Variants in MTMR12 observed in about 807,000 individuals in gnomAD.
MTMR12 encodes the protein myotubularin related protein 12.
Under a neutral mutation model 96.7 loss-of-function variants are expected in MTMR12, and 33 were observed. The observed-to-expected ratio is 0.34, with a 90% CI of 0.26 to 0.46. MTMR12 has a LOEUF of 0.46. Among genes scored for constraint, MTMR12 ranks in the 20% least tolerant of loss-of-function variants. MTMR12 has a pLI of 1.00. For missense variants in MTMR12, 721 were observed against 896.1 expected (o/e 0.80, Z 2.49); for synonymous variants, 298 against 327.2 (o/e 0.91, Z 0.96).
chr5:32,228,524 T>TCA lies in MTMR12; in HGVS notation c.*1252_*1253dup, dbSNP rs1747820915. On this transcript the variant is annotated 3_prime_UTR_variant, in exon 16 of 16. Coordinates refer to ENST00000382142, the MANE Select transcript of MTMR12 (RefSeq NM_001040446.3). ...TTTCCTGCATTAAAAAAAATATATA[T>TCA]CATATATATGATATATATATCATAT... 1.1e-5 allele frequency: 1 copy of TCA among 93,402 alleles called. No homozygotes were observed. Among genetic ancestry groups the TCA allele is most frequent in the African/African-American group, 3.5e-5 (1 of 28,686 alleles). 5.8% of individuals were successfully genotyped at this position (93,402 alleles called of 1,614,324 possible).
chr5:32,245,288 G>A lies in MTMR12; in HGVS notation c.1022-1689C>T, dbSNP rs543630606. On this transcript the variant is annotated intron_variant, in intron 10 of 15. Coordinates refer to ENST00000382142, the MANE Select transcript of MTMR12 (RefSeq NM_001040446.3). ...TGACCTCTGGTGATCCGCCCACCTC[G>A]GCCTCCCAAAGTGCTGCAATTATAC... Among the ~76,000 whole-genome samples, 18 of 152,154 alleles carry A rather than the reference G, an allele frequency of 1.2e-4. No homozygotes were observed. In the South Asian group the frequency reaches 2.7e-3, roughly 23 times the overall value.
chr5:32,235,882 G>A (rs1344592953), intron 13 of MTMR12, among the ~76,000 whole-genome samples: 1 of 152,214 alleles, frequency 6.6e-6, no homozygotes, highest in African/African-American at 2.4e-5. Flanking sequence ...AGGGGGCTAA[G>A]AGAAGCTATG....
At chr5:32,301,324 T>C (rs1751133396) in intron 1 of MTMR12, among the ~76,000 whole-genome samples, 1 of 152,344 alleles carries the variant, frequency 6.6e-6, no homozygotes, top group Middle Eastern at 3.4e-3. Context: ...CCCTGGGATC[T>C]GAACCCCAGA....
chr5:32,247,283 T>C (rs79608528), intron 10 of MTMR12, among the ~76,000 whole-genome samples: 366 of 152,218 alleles, frequency 2.4e-3, no homozygotes, highest in African/African-American at 8.3e-3. Flanking sequence ...CTGGGAGTTT[T>C]AAGGTTGCAG....
At chr5:32,251,706 T>C (rs572919855) in intron 8 of MTMR12, among the ~76,000 whole-genome samples, 6 of 152,122 alleles carry the variant, frequency 3.9e-5, no homozygotes, top group Admixed American at 3.3e-4. Context: ...AAAACAGACA[T>C]AGCAGAATAG....
chr5:32,277,324 G>T (rs927843514), intron 1 of MTMR12, among the ~76,000 whole-genome samples: 4 of 152,136 alleles, frequency 2.6e-5, no homozygotes, highest in Non-Finnish European at 5.9e-5. Context: ...GGGTGAGGTG[G>T]GCACTCCTTA....
chr5:32,286,952 C>A (rs1750563023), intron 1 of MTMR12, among the ~76,000 whole-genome samples: 1 of 152,158 alleles, frequency 6.6e-6, no homozygotes, highest in African/African-American at 2.4e-5. Context: ...ACACAACACA[C>A]AGCACCTAAG....
At chr5:32,274,297 C>T (rs1260118337) in intron 2 of MTMR12, among the ~76,000 whole-genome samples, 175 bp from the exon 3 acceptor site, 1 of 152,110 alleles carries the variant, frequency 6.6e-6, no homozygotes, top group Admixed American at 6.5e-5. Flanking sequence ...AGAGAAGATG[C>T]GGCAGAGTGG....
At chr5:32,303,244 T>C (rs184151823) in intron 1 of MTMR12, among the ~76,000 whole-genome samples, 1 of 152,360 alleles carries the variant, frequency 6.6e-6, no homozygotes, top group East Asian at 1.9e-4. Flanking sequence ...TATTCCCATT[T>C]TCGAGGTAGA....
chr5:32,263,584 C>T (rs552631178), intron 6 of MTMR12, among the ~76,000 whole-genome samples: 1 of 152,022 alleles, frequency 6.6e-6, no homozygotes, highest in Non-Finnish European at 1.5e-5. Flanking sequence ...ACTACAGGAA[C>T]GCACCACCAC....
chr5:32,290,814 AG>A (rs1424782389), intron 1 of MTMR12, among the ~76,000 whole-genome samples: 2 of 152,296 alleles, frequency 1.3e-5, no homozygotes, highest in Non-Finnish European at 2.9e-5. Context: ...TTTTGGAGCA[AG>A]GCCCTGCCAT....
Position 32,235,006 on chromosome 5 carries a change from T to C in MTMR12, c.1468A>G (p.Ser490Gly), listed in dbSNP as rs1468721213. Residue 490 changes from serine (S) to glycine (G), a missense_variant, in exon 14 of 16, where the codon AGC becomes GGC. Transcript: ENST00000382142. ...TGAGGTGAATTGAAGAAGAAGGTGC[T>C]AAAAATAGGTATATACAGGCTATCT... ...LSDSLYIPIF[S>G]TFFFNSPHQK... 6.2e-7 allele frequency: 1 copy of C among 1,613,686 alleles called. No homozygotes were observed.
At chr5:32,252,670 A>C (rs185968967) in intron 8 of MTMR12, among the ~76,000 whole-genome samples, 58 of 152,354 alleles carry the variant, frequency 3.8e-4, no homozygotes, top group Middle Eastern at 3.4e-3. Context: ...TAAAACTGAG[A>C]AACTTTTAAA....
At chr5:32,263,347 ATT>A in intron 6 of MTMR12, 105 bp from the exon 7 acceptor site, 2 of 1,344,074 alleles carry the variant, frequency 1.5e-6, no homozygotes, top group Non-Finnish European at 2.0e-6. Flanking sequence ...CACTAAGCCC[ATT>A]TTTATCCAAG....
chr5:32,310,830 T>TG (rs1450834566), intron 1 of MTMR12, among the ~76,000 whole-genome samples: 1 of 152,126 alleles, frequency 6.6e-6, no homozygotes, highest in Non-Finnish European at 1.5e-5. Context: ...CTTGCAGTGA[T>TG]GGATACCCCA....
At chr5:32,284,317 C>CAAAAAAAAAAA (rs57597487) in intron 1 of MTMR12, among the ~76,000 whole-genome samples, 4 of 47,248 alleles carry the variant, frequency 8.5e-5, no homozygotes, top group African/African-American at 2.2e-4. Flanking sequence ...GACCCTGTCT[C>CAAAAAAAAAAA]AAAAAAAAAA....
Position 32,312,333 on chromosome 5 carries a change from G to A in MTMR12, c.81+425C>T, listed in dbSNP as rs1751629395. 6.6e-6 allele frequency among the ~76,000 whole-genome samples: 1 copy of A among 152,204 alleles called. No individual in the cohort carries two copies. Among genetic ancestry groups the A allele is most frequent in the African/African-American group, 2.4e-5 (1 of 41,444 alleles). ...CACTCAGACGCAGGCAGCGGAGGCC[G>A]GCGGGCTTCTGGGCTCACTGAGAAA... On this transcript the variant is annotated intron_variant, in intron 1 of 15. Coordinates refer to ENST00000382142, the MANE Select transcript of MTMR12 (RefSeq NM_001040446.3). The surrounding 1 kb of genome is among the most constrained non-coding windows in gnomAD (Gnocchi z 5.0).
chr5:32,244,307 A>G (rs2112010133), intron 10 of MTMR12, among the ~76,000 whole-genome samples: 1 of 150,938 alleles, frequency 6.6e-6, no homozygotes, highest in South Asian at 2.1e-4. Context: ...AAAAAAAAAA[A>G]GGCCAGATGT....
chr5:32,285,808 C>G (rs1750520820), intron 1 of MTMR12, among the ~76,000 whole-genome samples: 1 of 152,128 alleles, frequency 6.6e-6, no homozygotes, highest in Non-Finnish European at 1.5e-5. Flanking sequence ...AGGAGACACA[C>G]CTGCTGGAAC....
Sources: allele counts gnomAD v4.1 joint callset (sites outside exome capture counted in the v4.1 genomes callset), GRCh38; gene constraint gnomAD v4.1.1; non-coding constraint Gnocchi (gnomAD v3.1); transcripts MANE v1.5; gene names NCBI Gene and HGNC (gene_info 2026-07-23, HGNC 2026-07-21).